The following THBS1 variants were observed in gnomAD, a reference collection of about 807,000 sequenced individuals.
THBS1 encodes thrombospondin-1.
Under a neutral mutation model 126.1 loss-of-function variants are expected in THBS1, and 29 were observed. The observed-to-expected ratio is 0.23, with a 90% confidence interval of 0.17 to 0.31. The LOEUF (loss-of-function observed/expected upper bound fraction) is 0.31. Among genes scored for constraint, THBS1 ranks in the 10% least tolerant of loss-of-function variants. THBS1 has a pLI of 1.00. For missense variants in THBS1, 1,198 were observed against 1,545.2 expected, an observed-to-expected ratio of 0.78 and a Z score of 3.77; for synonymous variants, 496 against 577.8, an observed-to-expected ratio of 0.86 and a Z score of 2.03.
In THBS1 at chr15:39,593,771, G is replaced by C; in HGVS notation, c.3267+103G>C. ...GACTCTGACCAGGGAGTCTTAGAAAGTTCCCAGCATCACCAGCTGCAGCAT... is the reference window on the plus strand; with the variant it reads ...GACTCTGACCAGGGAGTCTTAGAAACTTCCCAGCATCACCAGCTGCAGCAT... On this transcript the variant is annotated intron_variant, in intron 19 of 21. Coordinates refer to ENST00000260356, the MANE Select transcript of THBS1 (RefSeq NM_003246.4). The surrounding 1 kb of genome is among the most constrained non-coding windows in gnomAD (Gnocchi z 5.9). 1 of 1,483,644 alleles carries C rather than the reference G, an allele frequency of 6.7e-7. No homozygotes were observed. The highest frequency in any genetic ancestry group is 9.1e-7 in the Non-Finnish European group (1 of 1,103,068). The allele number at this position is 1,483,644 out of a possible 1,614,324, so 91.9% of individuals were successfully genotyped here.
chr15:39,588,507 G>A lies in THBS1; in HGVS notation c.1472-19G>A, dbSNP rs756948328. The A allele has an allele frequency of 1.3e-6, 2 of 1,532,892 alleles. No homozygotes were observed. Among genetic ancestry groups the A allele is most frequent in the South Asian group, 1.3e-5 (1 of 76,792 alleles). The allele number at this position is 1,532,892 out of a possible 1,614,324, so 95.0% of individuals were successfully genotyped here. On this transcript the variant is annotated intron_variant, in intron 9 of 21. Coordinates refer to ENST00000260356, the MANE Select transcript of THBS1 (RefSeq NM_003246.4). The stretch of plus-strand genomic sequence containing the variant: ...TGAAAGTTGATCTTAATTGTTGCCT[G>A]TGGTTCATCTTCTTACAGTCAATGG...
Position 39,593,703 on chromosome 15 carries a change from T to C in THBS1, c.3267+35T>C. 6.2e-7 allele frequency: 1 copy of C among 1,605,562 alleles called. No homozygotes were observed. Among genetic ancestry groups the C allele is most frequent in the Non-Finnish European group, 8.5e-7 (1 of 1,175,972 alleles). On this transcript the variant is annotated intron_variant, in intron 19 of 21. Transcript: ENST00000260356. This position sits in a 1 kb window ranked among gnomAD's most constrained non-coding sequence, Gnocchi z 5.9. Reference sequence around the variant, plus strand: ...AAAGCCCTGGAACAGAGAGAGAGCTTATGGGTGCCTGACTAGCACTGGGGA... The same window carrying C: ...AAAGCCCTGGAACAGAGAGAGAGCTCATGGGTGCCTGACTAGCACTGGGGA...
intron 10 of THBS1, 110 bp from the exon 11 acceptor site, chr15:39,588,849 A>G: frequency 1.3e-6 from 2 of 1,598,826 alleles, no homozygotes; most frequent in Non-Finnish European, 1.7e-6. Flanking sequence ...CCAACAAGTT[A>G]TCGGTTCCCT....
chr15:39,589,442 C>T lies in THBS1; in HGVS notation c.1926+88C>T, dbSNP rs910330924. 1 of 1,497,574 alleles carries T rather than the reference C, an allele frequency of 6.7e-7. No homozygotes were observed. Among genetic ancestry groups the T allele is most frequent in the East Asian group, 2.3e-5 (1 of 43,246 alleles). The allele number at this position is 1,497,574 out of a possible 1,614,324, so 92.8% of individuals were successfully genotyped here. On this transcript the variant is annotated intron_variant, in intron 12 of 21. Coordinates refer to ENST00000260356, the MANE Select transcript of THBS1 (RefSeq NM_003246.4). The surrounding 1 kb of genome is among the most constrained non-coding windows in gnomAD (Gnocchi z 4.7). Reference sequence around the variant, plus strand: ...GAGCGGGAGGAATGTAATTTCATACCCTTCACCAAAAAAAAAAGGGCGAGG... The same window carrying T: ...GAGCGGGAGGAATGTAATTTCATACTCTTCACCAAAAAAAAAAGGGCGAGG...
At chr15:39,585,299 T>A (rs1008013331) in intron 6 of THBS1, among the ~76,000 whole-genome samples, 171 bp from the exon 7 acceptor site, 3 of 152,222 alleles carry the variant, frequency 2.0e-5, no homozygotes, top group African/African-American at 7.2e-5. Context: ...GAACTGTCTC[T>A]ACGATAGTGG....
chr15:39,595,431 C>CTA lies in THBS1; in HGVS notation c.*64_*65dup, dbSNP rs1325837415. Reference sequence around the variant, plus strand: ...AATGCTGGTATTGCACCTTCTGGAACTATGGGCTTGAGAAAACCCCCAGGA... The same window carrying CTA: ...AATGCTGGTATTGCACCTTCTGGAACTATATGGGCTTGAGAAAACCCCCAGGA... On this transcript the variant is annotated 3_prime_UTR_variant, in exon 22 of 22. Coordinates refer to ENST00000260356, the MANE Select transcript of THBS1 (RefSeq NM_003246.4). 6 of 1,484,002 alleles carry CTA rather than the reference C, an allele frequency of 4.0e-6. No homozygotes were observed. In the Admixed American group the frequency reaches 1.4e-4, roughly 35 times the overall value. 91.9% of individuals were successfully genotyped at this position (1,484,002 alleles called of 1,614,324 possible). A position where few individuals can be genotyped will look rare whatever the true frequency, so the allele number is the denominator to read the frequency against.
In THBS1 at chr15:39,584,330, C is replaced by G. The variant is rs1439421838; in HGVS notation, c.934C>G (p.Leu312Val). The change falls in exon 6 of 22, where the codon CTG (leucine) becomes GTG (valine). Residue 312 changes from leucine to valine, a missense_variant. Coordinates refer to ENST00000260356, the MANE Select transcript of THBS1 (RefSeq NM_003246.4). ...TEENKELANELRRPPLCYHNG... is the reference protein window; with the variant it reads ...TEENKELANEVRRPPLCYHNG... ...AGAGAACAAAGAGTTGGCCAATGAG[C>G]TGAGGCGGCCTCCCCTATGCTATCA... 6.2e-7 allele frequency: 1 copy of G among 1,614,226 alleles called. No individual in the cohort carries two copies.
rs773214478 is a variant in THBS1 at position 39,587,416 on chromosome 15, A to G, written c.1190A>G (p.Asn397Ser). The G allele has an allele frequency of 1.4e-5, 22 of 1,613,880 alleles. No homozygotes were observed. The Admixed American group carries it at 2.2e-4, about 16-fold the overall frequency. Residue 397 changes from asparagine to serine, a missense_variant, in exon 8 of 22, where the codon AAT becomes AGT. This residue lies in a region of THBS1 where 663 missense variants were observed against 860.1 expected (regional missense o/e 0.77). Transcript: ENST00000260356. ...EWTSCSTSCG[N>S]GIQQRGRSCD... ...ACCTCCTGTTCTACGAGCTGTGGCA[A>G]TGGAATTCAGCAGCGCGGCCGCTCC...
Position 39,593,302 on chromosome 15 carries a change from T to C in THBS1, c.2995+75T>C. 6.2e-7 allele frequency: 1 copy of C among 1,611,332 alleles called. No individual in the cohort carries two copies. The highest frequency in any genetic ancestry group is 8.5e-7 in the Non-Finnish European group (1 of 1,177,626). On this transcript the variant is annotated intron_variant, in intron 18 of 21. Coordinates refer to ENST00000260356, the MANE Select transcript of THBS1 (RefSeq NM_003246.4). The surrounding 1 kb of genome is among the most constrained non-coding windows in gnomAD (Gnocchi z 5.9). ...AAACAAATATAAAACCTGGCAGTTG[T>C]ACCTATCCCTGTGGGTGCTGAGGAT...
rs1192390508 is a variant in THBS1, at chr15:39,582,274, A to G, written c.149A>G (p.Lys50Arg). ...ARKGSGRRLV[K>R]GPDPSSPAFR... Reference sequence around the variant, plus strand: ...AAGGGGTCTGGGCGCCGACTGGTGAAGGGCCCCGACCCTTCCAGCCCAGCT... The same window carrying G: ...AAGGGGTCTGGGCGCCGACTGGTGAGGGGCCCCGACCCTTCCAGCCCAGCT... The change falls in exon 3 of 22, where the codon AAG becomes AGG. Residue 50 changes from lysine to arginine, a missense_variant. By Grantham distance (26) the Lys-to-Arg change is conservative. Coordinates refer to ENST00000260356, the MANE Select transcript of THBS1 (RefSeq NM_003246.4). 6.2e-7 allele frequency: 1 copy of G among 1,614,134 alleles called. No individual in the cohort carries two copies. Among genetic ancestry groups the G allele is most frequent in the Admixed American group, 1.7e-5 (1 of 60,022 alleles).
In THBS1 at chr15:39,581,929, G is replaced by A. The variant is rs756508258; in HGVS notation, c.67+5G>A. 3 of 1,614,118 alleles carry A rather than the reference G, an allele frequency of 1.9e-6. No homozygotes were observed. The South Asian group carries it at 3.3e-5, about 18-fold the overall frequency. ...GTGGCACCAACCGCATTCCAGGTGA[G>A]TTTGTGTGGCACCTTTAGGGGAAGG... is the stretch of plus-strand genomic sequence containing the variant. On this transcript the variant is annotated splice_donor_5th_base_variant and intron_variant, in intron 2 of 21. Transcript: ENST00000260356.
Position 39,583,602 on chromosome 15 carries a change from G to A in THBS1, c.628-15G>A, listed in dbSNP as rs762579186. 9 of 1,429,114 alleles carry A rather than the reference G, an allele frequency of 6.3e-6. No individual in the cohort carries two copies. The Admixed American group carries it at 1.6e-4, about 26-fold the overall frequency. 88.5% of individuals were successfully genotyped at this position (1,429,114 alleles called of 1,614,324 possible). A position where few individuals can be genotyped will look rare whatever the true frequency, so the allele number is the denominator to read the frequency against. ...GCTCTGCATTCTACAAGTAATGTGT[G>A]TCCTCTGCCCACAGGGGGTGCTGCA... On this transcript the variant is annotated splice_polypyrimidine_tract_variant and intron_variant, in intron 3 of 21. Coordinates refer to ENST00000260356, the MANE Select transcript of THBS1 (RefSeq NM_003246.4).
At chr15:39,583,843 C>T (rs1595506808) in intron 4 of THBS1, 145 bp from the exon 5 acceptor site, 2 of 1,158,446 alleles carry the variant, frequency 1.7e-6, no homozygotes, top group East Asian at 2.5e-5. Flanking sequence ...GGGTATTATA[C>T]ACACACACGT....
At position 39,595,513 on chromosome 15, in the gene THBS1, C is replaced by A; in HGVS notation, c.*144C>A. On this transcript the variant is annotated 3_prime_UTR_variant, in exon 22 of 22. Transcript: ENST00000260356. ...CTTGCATCAGTGTGGACTCCTAGAA[C>A]GTGCGACCTGCCTCAAGAAAATGCA... 2 of 1,082,136 alleles carry A rather than the reference C, an allele frequency of 1.8e-6. No individual in the cohort carries two copies. The highest frequency in any genetic ancestry group is 1.3e-6 in the Non-Finnish European group (1 of 763,764). 67.0% of individuals were successfully genotyped at this position (1,082,136 alleles called of 1,614,324 possible).
chr15:39,587,929 G>A (rs1890240058), intron 8 of THBS1, 113 bp from the exon 9 acceptor site: 2 of 1,050,450 alleles, frequency 1.9e-6, no homozygotes, highest in Non-Finnish European at 2.8e-6. Flanking sequence ...CGTACACTGG[G>A]TTTAGTTGCC....
chr15:39,592,479 G>A lies in THBS1; in HGVS notation c.2533-89G>A. 1 of 1,086,924 alleles carries A rather than the reference G, an allele frequency of 9.2e-7. No homozygotes were observed. Among genetic ancestry groups the A allele is most frequent in the East Asian group, 2.6e-5 (1 of 38,370 alleles). The allele number at this position is 1,086,924 out of a possible 1,614,324, so 67.3% of individuals were successfully genotyped here. A position where few individuals can be genotyped will look rare whatever the true frequency, so the allele number is the denominator to read the frequency against. ...ACCCCACTGGCTGTATCAAACAATGGAGAATTTTCCCTGTGGTGGGGGCAT... is the reference window on the plus strand; with the variant it reads ...ACCCCACTGGCTGTATCAAACAATGAAGAATTTTCCCTGTGGTGGGGGCAT... On this transcript the variant is annotated intron_variant, in intron 16 of 21. Coordinates refer to ENST00000260356, the MANE Select transcript of THBS1 (RefSeq NM_003246.4). The surrounding 1 kb of genome is among the most constrained non-coding windows in gnomAD (Gnocchi z 4.3).
chr15:39,588,684 C>A lies in THBS1; in HGVS notation c.1630C>A (p.Gln544Lys). The A allele has an allele frequency of 6.3e-7, 1 of 1,580,186 alleles. No homozygotes were observed. ...DVTENQICNKQDCPIDGCLSN... is the reference protein window; with the variant it reads ...DVTENQICNKKDCPIDGCLSN... ...AACAGAAAACCAGATCTGCAACAAG[C>A]AGGACTGTCCAATTGGTGAGCCACG... The change falls in exon 10 of 22, where the codon CAG becomes AAG. Residue 544 changes from glutamine (Q) to lysine (K), a missense_variant. Around this residue, in one of 4 missense-constraint regions of THBS1, gnomAD observed 663 missense variants for 860.1 expected, o/e 0.77. Transcript: ENST00000260356.
At chr15:39,582,008 C>T in intron 2 of THBS1, 84 bp downstream of exon 2, 1 of 1,470,398 alleles carries the variant, frequency 6.8e-7, no homozygotes, top group Non-Finnish European at 9.5e-7. Flanking sequence ...ACGTGCTGTC[C>T]TCTCCCTCTT....
At chr15:39,590,074 C>A (rs1286541459) in intron 13 of THBS1, 51 bp downstream of exon 13, 1 of 1,429,580 alleles carries the variant, frequency 7.0e-7, no homozygotes, top group South Asian at 1.4e-5. Context: ...ATCACCTTAT[C>A]AAAACACAGG....
Sources: allele counts gnomAD v4.1 joint callset (sites outside exome capture counted in the v4.1 genomes callset), GRCh38; gene constraint gnomAD v4.1.1; regional missense constraint gnomAD v4.1.1; non-coding constraint Gnocchi (gnomAD v3.1); transcripts MANE v1.5; gene names NCBI Gene and HGNC (gene_info 2026-07-23, HGNC 2026-07-21).